Variants in EBF1 observed in about 807,000 individuals in gnomAD.
EBF1 encodes EBF transcription factor 1.
EBF1 carries 10 observed loss-of-function variants against 68.4 expected under a neutral mutation model. The ratio of observed to expected loss-of-function variants is 0.15; its 90% CI spans 0.09 to 0.25. The LOEUF is 0.25. EBF1 is among the 10% of genes least tolerant of loss of function. EBF1 has a pLI of 1.00. For synonymous variants in EBF1, 298 were observed against 299.8 expected, an observed-to-expected ratio of 0.99 and a Z score of 0.06; for missense variants, 509 against 794.4, an observed-to-expected ratio of 0.64 and a Z score of 4.32.
intron 6 of EBF1, among the ~76,000 whole-genome samples, chr5:158,971,441 C>T (rs1361100820): frequency 6.6e-6 from 1 of 152,122 alleles, no homozygotes; most frequent in African/African-American, 2.4e-5. Flanking sequence ...AATAACTTCC[C>T]GGCATCAAGG....
chr5:158,854,255 A>G (rs1793538887), intron 6 of EBF1, among the ~76,000 whole-genome samples: 1 of 152,228 alleles, frequency 6.6e-6, no homozygotes, highest in Non-Finnish European at 1.5e-5. Flanking sequence ...AATAAAAACA[A>G]TAACAAAACA....
At chr5:158,942,639 A>G (rs554183898) in intron 6 of EBF1, among the ~76,000 whole-genome samples, 2 of 152,098 alleles carry the variant, frequency 1.3e-5, no homozygotes, top group Non-Finnish European at 2.9e-5. Flanking sequence ...ATAGGGATCC[A>G]GTGAAGGTTT....
At chr5:158,793,607 C>G (rs1252169269) in intron 9 of EBF1, among the ~76,000 whole-genome samples, 1 of 152,104 alleles carries the variant, frequency 6.6e-6, no homozygotes, top group Non-Finnish European at 1.5e-5. Flanking sequence ...AATCCAGTCT[C>G]TAGTCCTATC....
chr5:158,799,429 A>T (rs115953180), intron 8 of EBF1, among the ~76,000 whole-genome samples: 3,973 of 148,054 alleles, frequency 0.027, 148 homozygotes, highest in African/African-American at 0.081. Context: ...ATAAATAAAT[A>T]AATTAATTAA....
intron 6 of EBF1, among the ~76,000 whole-genome samples, chr5:158,969,825 G>A (rs1755010275): frequency 8.3e-6 from 1 of 120,642 alleles, no homozygotes; most frequent in Non-Finnish European, 1.7e-5. Context: ...AGGAAAGAAA[G>A]ACAGAAAAGA....
At chr5:158,723,488 A>T (rs1157368692) in intron 11 of EBF1, among the ~76,000 whole-genome samples, 1 of 152,034 alleles carries the variant, frequency 6.6e-6, no homozygotes, top group Admixed American at 6.6e-5. Flanking sequence ...TCAGGCAATA[A>T]CCAGCAATAT....
intron 10 of EBF1, among the ~76,000 whole-genome samples, chr5:158,736,955 C>T (rs1765308403): frequency 6.6e-6 from 1 of 152,190 alleles, no homozygotes; most frequent in Non-Finnish European, 1.5e-5. Context: ...TATTTCATTA[C>T]CTGCCTAGAT....
intron 6 of EBF1, among the ~76,000 whole-genome samples, chr5:158,911,923 A>G (rs1314516780): frequency 1.3e-5 from 2 of 152,228 alleles, no homozygotes; most frequent in African/African-American, 2.4e-5. Flanking sequence ...ATAATGATTC[A>G]TAAATACAGC....
intron 6 of EBF1, among the ~76,000 whole-genome samples, chr5:158,907,466 T>C (rs1473439995): frequency 6.6e-6 from 1 of 152,182 alleles, no homozygotes; most frequent in African/African-American, 2.4e-5. Flanking sequence ...AGATACCCAA[T>C]TAACATCTAG....
intron 6 of EBF1, among the ~76,000 whole-genome samples, chr5:158,966,443 A>G (rs1389675150): frequency 6.6e-6 from 1 of 152,120 alleles, no homozygotes; most frequent in African/African-American, 2.4e-5. Flanking sequence ...TCCCCTCTCT[A>G]CAAAAGCAGC....
intron 8 of EBF1, among the ~76,000 whole-genome samples, chr5:158,818,881 A>G (rs952077195): frequency 2.0e-5 from 3 of 151,594 alleles, no homozygotes; most frequent in African/African-American, 7.3e-5. Flanking sequence ...TAATAGTTCC[A>G]TTGTTTTTTT....
At chr5:159,084,845 T>C (rs1780362074) in intron 4 of EBF1, 106 bp from the exon 5 acceptor site, 1 of 954,724 alleles carries the variant, frequency 1.0e-6, no homozygotes, top group East Asian at 2.9e-5. Flanking sequence ...GAAGGCCAAA[T>C]TAGCTTTGAG....
intron 10 of EBF1, among the ~76,000 whole-genome samples, chr5:158,737,357 C>CGCT (rs1433514934): frequency 7.3e-6 from 1 of 137,212 alleles, no homozygotes; most frequent in Non-Finnish European, 1.5e-5. Context: ...GATCTCGGCT[C>CGCT]GCTGCAAACT....
At chr5:159,022,118 C>A (rs1766829957) in intron 6 of EBF1, among the ~76,000 whole-genome samples, 1 of 149,372 alleles carries the variant, frequency 6.7e-6, no homozygotes, top group African/African-American at 2.5e-5. Flanking sequence ...CCAGGGGGAT[C>A]CTGCAAAATC....
At chr5:159,078,236 A>C (rs1038056897) in intron 5 of EBF1, among the ~76,000 whole-genome samples, 2 of 152,152 alleles carry the variant, frequency 1.3e-5, no homozygotes, top group Admixed American at 6.5e-5. Context: ...CTTTTCAGGT[A>C]GAACTGCCCA....
At chr5:158,973,169 C>G (rs557924053) in intron 6 of EBF1, among the ~76,000 whole-genome samples, 2 of 152,112 alleles carry the variant, frequency 1.3e-5, no homozygotes, top group Admixed American at 1.3e-4. Flanking sequence ...GATTTTTTCA[C>G]TCTTTTATTT....
intron 6 of EBF1, among the ~76,000 whole-genome samples, chr5:158,849,379 G>T (rs1036614984): frequency 2.0e-5 from 3 of 152,064 alleles, no homozygotes; most frequent in African/African-American, 7.2e-5. Context: ...TGCCTCCCTG[G>T]ATCTGAAATG....
chr5:159,004,922 C>T (rs1236722223), intron 6 of EBF1, among the ~76,000 whole-genome samples: 1 of 152,176 alleles, frequency 6.6e-6, no homozygotes, highest in African/African-American at 2.4e-5. Context: ...ACAGTCATAG[C>T]AACACTCCCA....
At chr5:158,862,384 C>T (rs543548193) in intron 6 of EBF1, among the ~76,000 whole-genome samples, 1 of 152,236 alleles carries the variant, frequency 6.6e-6, no homozygotes, top group Non-Finnish European at 1.5e-5. Context: ...ACAAAAACTC[C>T]AGTGAAGCAA....
Sources: gnomAD v4.1 joint callset for allele counts (sites outside exome capture counted in the v4.1 genomes callset) on GRCh38, gnomAD v4.1.1 for gene constraint, MANE v1.5 for transcripts, NCBI Gene and HGNC (gene_info 2026-07-23, HGNC 2026-07-21) for gene names.